LTBP1: variants seen among roughly 807,000 people sequenced by gnomAD.
The protein encoded by LTBP1 is latent transforming growth factor beta binding protein 1.
A neutral mutation model predicts 207.6 loss-of-function variants in LTBP1; 129 were observed. The observed-to-expected ratio is 0.62, with a 90% CI of 0.54 to 0.72. LTBP1 has a LOEUF of 0.72. LTBP1 is among the 30% of genes least tolerant of loss of function. The probability of loss-of-function intolerance (pLI) is 0.00; values close to 1 mark genes in which losing one functional copy is unlikely to be tolerated. For missense variants in LTBP1, 2,281 were observed against 2,217.2 expected, an observed-to-expected ratio of 1.03 and a Z score of -0.58; for synonymous variants, 963 against 833.7, an observed-to-expected ratio of 1.16 and a Z score of -2.67.
intron 7 of LTBP1, among the ~76,000 whole-genome samples, chr2:33,196,588 G>A (rs573528218): frequency 5.9e-5 from 9 of 152,212 alleles, no homozygotes; most frequent in East Asian, 1.9e-4. Flanking sequence ...TCAGGATTGC[G>A]TTACAGGCTG....
chr2:33,190,356 G>A (rs2148878247), intron 7 of LTBP1, among the ~76,000 whole-genome samples: 1 of 152,214 alleles, frequency 6.6e-6, no homozygotes, highest in Non-Finnish European at 1.5e-5. Flanking sequence ...GTGTGTATAT[G>A]CGCATGAAAT....
At chr2:33,017,847 A>G (rs2149181850) in intron 2 of LTBP1, among the ~76,000 whole-genome samples, 1 of 152,190 alleles carries the variant, frequency 6.6e-6, no homozygotes, top group South Asian at 2.1e-4. Context: ...CAATCTCCTG[A>G]CCTTGTGATC....
chr2:33,340,662 C>T (rs76525113), intron 24 of LTBP1, among the ~76,000 whole-genome samples: 18 of 151,836 alleles, frequency 1.2e-4, no homozygotes, highest in Non-Finnish European at 2.4e-4. Context: ...GATTCTAGGT[C>T]ATTGAGGAGG....
rs143043797 is a variant in LTBP1, at chr2:33,207,137, G to C, written c.1702-10415G>C. ...AGAGGTGGAGAAAATAGGCAGCACA[G>C]ATTCTATCTTTTCTTTAGAAAAGAT... On this transcript the variant is annotated intron_variant, in intron 7 of 33. Coordinates refer to ENST00000404816, the MANE Select transcript of LTBP1 (RefSeq NM_206943.4). Among the ~76,000 whole-genome samples, 569 of 152,294 alleles carry C rather than the reference G, an allele frequency of 3.7e-3. 4 individuals carry two copies. The highest frequency in any genetic ancestry group is 0.013 in the African/African-American group (539 of 41,576).
In LTBP1 at chr2:33,362,849, A is replaced by G. The variant is rs1004448218; in HGVS notation, c.4271-541A>G. On this transcript the variant is annotated intron_variant, in intron 28 of 33. Transcript: ENST00000404816. ...CCTCTCTTATTAGGTAGATGTTCCT[A>G]TTGTCTCCAATTTATCATTGAGTAA... Among the ~76,000 whole-genome samples, 11 of 152,232 alleles carry G rather than the reference A, an allele frequency of 7.2e-5. No individual in the cohort carries two copies. The East Asian group carries it at 9.6e-4, about 13-fold the overall frequency.
At chr2:33,142,816 A>C (rs531810639) in intron 5 of LTBP1, among the ~76,000 whole-genome samples, 58 of 152,280 alleles carry the variant, frequency 3.8e-4, no homozygotes, top group African/African-American at 1.3e-3. Context: ...TTGGGAGTGG[A>C]TGGGGCTCCT....
chr2:33,117,095 C>T (rs1572705315), intron 4 of LTBP1, among the ~76,000 whole-genome samples: 1 of 152,182 alleles, frequency 6.6e-6, no homozygotes, highest in East Asian at 1.9e-4. Flanking sequence ...AGAACAGCTC[C>T]CCAGGTCTCC....
At chr2:33,385,248 T>C (rs181602689) in intron 31 of LTBP1, among the ~76,000 whole-genome samples, 2 of 152,342 alleles carry the variant, frequency 1.3e-5, no homozygotes, top group Admixed American at 1.3e-4. Flanking sequence ...CTCTACCTAT[T>C]TAAAAACTCC....
rs377104408 is a variant in LTBP1, at chr2:33,184,767, A to T, written c.1202-2089A>T. On this transcript the variant is annotated intron_variant, in intron 5 of 33. Transcript: ENST00000404816. ...TAGGTATAAATCTGTCCCTTCCCTC[A>T]TTCAGTATTTTCTGTTTTTTTTTTT... is the stretch of plus-strand genomic sequence containing the variant. Among the ~76,000 whole-genome samples, 116 of 139,850 alleles carry T rather than the reference A, an allele frequency of 8.3e-4. 1 individual carries two copies. The highest frequency in any genetic ancestry group is 2.9e-3 in the African/African-American group (112 of 38,004). 91.7% of individuals were successfully genotyped at this position (139,850 alleles called of 152,430 possible).
Position 32,968,902 on chromosome 2 carries a change from AGTGT to A in LTBP1, c.565+19968_565+19971del, listed in dbSNP as rs1391896153. 7.7e-5 allele frequency among the ~76,000 whole-genome samples: 9 copies of A among 116,298 alleles called. No individual in the cohort carries two copies. In the East Asian group the frequency reaches 1.9e-3, roughly 24 times the overall value. The allele number at this position is 116,298 out of a possible 152,430, so 76.3% of individuals were successfully genotyped here. A position where few individuals can be genotyped will look rare whatever the true frequency, so the allele number is the denominator to read the frequency against. On this transcript the variant is annotated intron_variant, in intron 2 of 33. Transcript: ENST00000404816. Reference sequence around the variant, plus strand: ...CCACACCTGGCTGATTTTTTTCTTTAGTGTGTGTGTGTGTATTTTTTTTTTTTTT... The same window carrying A: ...CCACACCTGGCTGATTTTTTTCTTTAGTGTGTGTGTATTTTTTTTTTTTTT...
rs185407419 is a variant in LTBP1, at chr2:33,142,117, T to A, written c.1201+7157T>A. Among the ~76,000 whole-genome samples the A allele has an allele frequency of 3.2e-3, 483 of 152,232 alleles. 5 individuals are homozygous for A. Among genetic ancestry groups the A allele is most frequent in the African/African-American group, 0.011 (464 of 41,556 alleles). Reference sequence around the variant, plus strand: ...CCCAGGCTGGAGTGCAGTGGCGGGATCTCGGCTCACTGCAAGCTCCGCCTC... The same window carrying A: ...CCCAGGCTGGAGTGCAGTGGCGGGAACTCGGCTCACTGCAAGCTCCGCCTC... On this transcript the variant is annotated intron_variant, in intron 5 of 33. Coordinates refer to ENST00000404816, the MANE Select transcript of LTBP1 (RefSeq NM_206943.4).
At chr2:33,020,790 T>G in intron 2 of LTBP1, 119 bp from the exon 3 acceptor site, 3 of 951,686 alleles carry the variant, frequency 3.2e-6, no homozygotes, top group Non-Finnish European at 4.7e-6. Flanking sequence ...TCCTTATGAG[T>G]ATTTGTGTGG....
chr2:33,268,033 G>T (rs2093226617), intron 15 of LTBP1, among the ~76,000 whole-genome samples: 1 of 152,196 alleles, frequency 6.6e-6, no homozygotes, highest in African/African-American at 2.4e-5. Flanking sequence ...TGCAACAGTT[G>T]TAGGTACTTC....
At chr2:33,175,647 T>A (rs535239037) in intron 5 of LTBP1, among the ~76,000 whole-genome samples, 2 of 152,270 alleles carry the variant, frequency 1.3e-5, no homozygotes, top group South Asian at 2.1e-4. Flanking sequence ...AGCCATCCCA[T>A]TACTGGGTAT....
chr2:33,280,802 C>T (rs912264992), intron 19 of LTBP1, among the ~76,000 whole-genome samples: 4 of 152,202 alleles, frequency 2.6e-5, no homozygotes, highest in African/African-American at 9.6e-5. Flanking sequence ...TGCATGGTGG[C>T]TCATGCCTGT....
At chr2:33,040,899 A>C (rs2076150563) in intron 3 of LTBP1, among the ~76,000 whole-genome samples, 1 of 152,208 alleles carries the variant, frequency 6.6e-6, no homozygotes, top group South Asian at 2.1e-4. Context: ...TCAGGATAGC[A>C]GCTCTTTACC....
rs574184212 is a variant in LTBP1, at chr2:33,383,999, C to G, written c.4712-5185C>G. 2.6e-5 allele frequency among the ~76,000 whole-genome samples: 4 copies of G among 152,334 alleles called. No homozygotes were observed. The South Asian group carries it at 6.2e-4, about 24-fold the overall frequency. ...AAAAACAGCTGAATTTAATTTGCCT[C>G]AGTCAGAACTAAAACTTTACCTCCT... On this transcript the variant is annotated intron_variant, in intron 31 of 33. Coordinates refer to ENST00000404816, the MANE Select transcript of LTBP1 (RefSeq NM_206943.4).
intron 32 of LTBP1, 52 bp downstream of exon 32, chr2:33,389,358 T>A (rs769819677): frequency 6.2e-7 from 1 of 1,604,708 alleles, no homozygotes; most frequent in South Asian, 1.1e-5. Context: ...TGAAGATTAA[T>A]CAGTGGTCCT....
At chr2:33,360,289 G>A (rs2094912589) in intron 26 of LTBP1, among the ~76,000 whole-genome samples, 1 of 152,096 alleles carries the variant, frequency 6.6e-6, no homozygotes, top group Non-Finnish European at 1.5e-5. Flanking sequence ...CCCTATGTTT[G>A]GCAAGAAAAG....
Sources: allele counts gnomAD v4.1 joint callset (sites outside exome capture counted in the v4.1 genomes callset), GRCh38; gene constraint gnomAD v4.1.1; transcripts MANE v1.5; gene names NCBI Gene and HGNC (gene_info 2026-07-23, HGNC 2026-07-21).